CCDC198: variants seen among roughly 807,000 people sequenced by gnomAD.
The protein encoded by CCDC198 is factor associated with metabolism and energy.
A neutral mutation model predicts 35.6 loss-of-function variants in CCDC198; 18 were observed. The observed-to-expected ratio is 0.51, with a 90% CI of 0.35 to 0.75. The LOEUF is 0.75. Ranked by LOEUF, CCDC198 falls within the 30% of genes least tolerant of loss-of-function variation. The pLI, the probability that CCDC198 is intolerant of heterozygous loss-of-function variation, is 0.01. For synonymous variants in CCDC198, 119 were observed against 113.4 expected (o/e 1.05, Z -0.31); for missense variants, 365 against 343.7 (o/e 1.06, Z -0.49).
intron 5 of CCDC198, among the ~76,000 whole-genome samples, chr14:57,476,545 T>C (rs1442534293): frequency 6.6e-6 from 1 of 152,232 alleles, no homozygotes; most frequent in Admixed American, 6.5e-5. Flanking sequence ...ATGTGTACAT[T>C]ATATATCATT....
rs776127522 is a variant in CCDC198, at chr14:57,487,869, G to T, written c.306+3120C>A. Among the ~76,000 whole-genome samples the T allele has an allele frequency of 5.9e-5, 9 of 152,286 alleles. No homozygotes were observed. The South Asian group carries it at 6.2e-4, about 11-fold the overall frequency. On this transcript the variant is annotated intron_variant, in intron 2 of 5. Transcript: ENST00000216445. ...CTGGAAAATGTGCTGAGCTTCATTT[G>T]TGAAGATAATTATAGCTGATCTCTT...
intron 2 of CCDC198, 64 bp from the exon 3 acceptor site, chr14:57,483,215 C>G: frequency 6.2e-7 from 1 of 1,611,792 alleles, no homozygotes; most frequent in East Asian, 2.2e-5. Flanking sequence ...AACAGAAAAG[C>G]CAGACATTAA....
At chr14:57,489,037 G>T (rs1380147492) in intron 2 of CCDC198, among the ~76,000 whole-genome samples, 2 of 152,018 alleles carry the variant, frequency 1.3e-5, no homozygotes, top group African/African-American at 4.8e-5. Context: ...ATACCCAAAG[G>T]AATATAAATC....
rs958713888 is a variant in CCDC198 at position 57,471,279 on chromosome 14, A to G, written c.*76T>C. Reference sequence around the variant, plus strand: ...TGATTTGCTGTCCTCAAAGTAATTCATATATCAGTTTGGAAGATTTTGAGA... The same window carrying G: ...TGATTTGCTGTCCTCAAAGTAATTCGTATATCAGTTTGGAAGATTTTGAGA... On this transcript the variant is annotated 3_prime_UTR_variant, in exon 6 of 6. Transcript: ENST00000216445. 9.6e-6 allele frequency: 10 copies of G among 1,045,638 alleles called. No individual in the cohort carries two copies. The African/African-American group carries it at 1.6e-4, about 16-fold the overall frequency. The allele number at this position is 1,045,638 out of a possible 1,614,324, so 64.8% of individuals were successfully genotyped here. A position where few individuals can be genotyped will look rare whatever the true frequency, so the allele number is the denominator to read the frequency against.
At chr14:57,479,084 G>A (rs1041389164) in intron 5 of CCDC198, 64 of 1,168,444 alleles carry the variant, frequency 5.5e-5, no homozygotes, top group East Asian at 2.3e-4. Flanking sequence ...GCAATGTAGC[G>A]TAGAAGTTGT....
chr14:57,471,765 T>C (rs1459359928), intron 5 of CCDC198, among the ~76,000 whole-genome samples, 175 bp from the exon 6 acceptor site: 2 of 149,282 alleles, frequency 1.3e-5, no homozygotes, highest in Non-Finnish European at 3.0e-5. Flanking sequence ...GGTGTCTCTG[T>C]AAGCATTAAA....
In CCDC198 at chr14:57,481,305, A is replaced by G. The variant is rs550481281; in HGVS notation, c.495+254T>C. Among the ~76,000 whole-genome samples, 193 of 152,348 alleles carry G rather than the reference A, an allele frequency of 1.3e-3. 2 individuals are homozygous for G. The highest frequency in any genetic ancestry group is 0.01 in the South Asian group (50 of 4,828). On this transcript the variant is annotated intron_variant, in intron 4 of 5. Transcript: ENST00000216445. ...CATTTTCCTATGTCCAGAATGTCAT[A>G]GGAGCAAACTGTTTTTAAAAATGGA...
Position 57,486,311 on chromosome 14 carries a change from G to A in CCDC198, c.307-3160C>T, listed in dbSNP as rs565756201. Among the ~76,000 whole-genome samples the A allele has an allele frequency of 7.2e-5, 11 of 152,160 alleles. 1 individual carries two copies. The South Asian group carries it at 1.9e-3, about 26-fold the overall frequency. On this transcript the variant is annotated intron_variant, in intron 2 of 5. Transcript: ENST00000216445. ...TCATGTGAACTCCGTGGATAATTAC[G>A]AAGATTCCCCATTTCAGACAGGTTG...
intron 2 of CCDC198, among the ~76,000 whole-genome samples, chr14:57,485,294 A>T (rs181665437): frequency 1.5e-3 from 230 of 152,254 alleles, no homozygotes; most frequent in African/African-American, 5.3e-3. Flanking sequence ...CAACAACTGC[A>T]GACTCCAGGA....
At chr14:57,491,612 A>G (rs73299841) in intron 1 of CCDC198, among the ~76,000 whole-genome samples, 3,923 of 152,154 alleles carry the variant, frequency 0.026, 183 homozygotes, top group African/African-American at 0.089. Flanking sequence ...CCACTGTAAT[A>G]CAGCATATCA....
chr14:57,479,954 T>G (rs957207519), intron 5 of CCDC198, among the ~76,000 whole-genome samples: 6 of 152,286 alleles, frequency 3.9e-5, no homozygotes, highest in East Asian at 1.9e-4. Context: ...GGACCAGGGC[T>G]ATACCTAAGG....
At chr14:57,480,519 C>G in intron 5 of CCDC198, 76 bp downstream of exon 5, 1 of 1,517,660 alleles carries the variant, frequency 6.6e-7, no homozygotes, top group Non-Finnish European at 9.0e-7. Context: ...CTCATCATGT[C>G]CCTCCCTTGG....
rs565063894 is a variant in CCDC198, at chr14:57,470,564, C to T, written c.*791G>A. ...TGTTGGCCAGGCTGGTCTTGAACTC[C>T]TGACCTCAAGTGATCTGCCCACCTC... On this transcript the variant is annotated 3_prime_UTR_variant, in exon 6 of 6. Transcript: ENST00000216445. The T allele has an allele frequency of 6.6e-6, 1 of 152,374 alleles. No homozygotes were observed. Among genetic ancestry groups the T allele is most frequent in the East Asian group, 1.9e-4 (1 of 5,194 alleles). 9.4% of individuals were successfully genotyped at this position (152,374 alleles called of 1,614,324 possible).
chr14:57,486,944 A>T (rs1402939399), intron 2 of CCDC198, among the ~76,000 whole-genome samples: 1 of 152,154 alleles, frequency 6.6e-6, no homozygotes, highest in East Asian at 1.9e-4. Context: ...CCTTCACAAA[A>T]GCCACTAGAT....
intron 3 of CCDC198, among the ~76,000 whole-genome samples, chr14:57,482,756 T>C (rs1400525756): frequency 6.6e-6 from 1 of 152,188 alleles, no homozygotes; most frequent in Non-Finnish European, 1.5e-5. Flanking sequence ...TTTTCACAGA[T>C]TTGAAAACTT....
At chr14:57,484,790 C>G (rs755721336) in intron 2 of CCDC198, among the ~76,000 whole-genome samples, 10 of 152,170 alleles carry the variant, frequency 6.6e-5, no homozygotes, top group Admixed American at 1.3e-4. Context: ...TGAGAAGACA[C>G]TGACATGCGT....
At chr14:57,483,897 T>G (rs1166140489) in intron 2 of CCDC198, among the ~76,000 whole-genome samples, 1 of 152,214 alleles carries the variant, frequency 6.6e-6, no homozygotes, top group Non-Finnish European at 1.5e-5. Flanking sequence ...ACTTAATGAC[T>G]GCTACATGCC....
At chr14:57,488,825 T>C (rs960630366) in intron 2 of CCDC198, among the ~76,000 whole-genome samples, 4 of 152,096 alleles carry the variant, frequency 2.6e-5, no homozygotes, top group African/African-American at 7.2e-5. Flanking sequence ...CACAATGAGA[T>C]ACCACCTCAC....
At chr14:57,484,637 A>G (rs1004749446) in intron 2 of CCDC198, among the ~76,000 whole-genome samples, 8 of 152,206 alleles carry the variant, frequency 5.3e-5, no homozygotes, top group African/African-American at 1.7e-4. Context: ...AGTGATCATG[A>G]TCTCTTGAAG....
Sources: gnomAD v4.1 joint callset for allele counts (sites outside exome capture counted in the v4.1 genomes callset) on GRCh38, gnomAD v4.1.1 for gene constraint, MANE v1.5 for transcripts, NCBI Gene and HGNC (gene_info 2026-07-23, HGNC 2026-07-21) for gene names.